The following GPD1L variants were observed in gnomAD, a reference collection of about 807,000 sequenced individuals.
GPD1L encodes glycerol-3-phosphate dehydrogenase 1 like.
A neutral mutation model predicts 32.9 loss-of-function variants in GPD1L; 17 were observed. That is an observed-to-expected ratio of 0.52 (90% CI 0.35 to 0.78). GPD1L has a LOEUF of 0.78. Ranked by LOEUF, GPD1L falls within the 30% of genes least tolerant of loss-of-function variation. GPD1L has a pLI of 0.01. For missense variants in GPD1L, 361 were observed against 447.8 expected, an observed-to-expected ratio of 0.81 and a Z score of 1.75; for synonymous variants, 187 against 165.9, an observed-to-expected ratio of 1.13 and a Z score of -0.98.
chr3:32,113,658 A>T (rs550695900), intron 1 of GPD1L, among the ~76,000 whole-genome samples: 22 of 152,328 alleles, frequency 1.4e-4, no homozygotes, highest in Non-Finnish European at 2.4e-4. Flanking sequence ...GAAGAGGAGA[A>T]CTGAATCAGT....
intron 2 of GPD1L, among the ~76,000 whole-genome samples, chr3:32,130,486 G>A (rs1262352598): frequency 6.6e-6 from 1 of 152,090 alleles, no homozygotes; most frequent in Admixed American, 6.6e-5. Context: ...ACTTCAGACT[G>A]AGCCTTTTCT....
Position 32,148,997 on chromosome 3 carries a change from T to C in GPD1L, c.618+2263T>C, listed in dbSNP as rs574108258. 7.2e-5 allele frequency among the ~76,000 whole-genome samples: 11 copies of C among 152,354 alleles called. No homozygotes were observed. In the South Asian group the frequency reaches 2.1e-3, roughly 29 times the overall value. ...CCAATGTTTTTAGTGTGTACCTATG[T>C]GTATGGGTCCTTTTTAAAACAAAAA... is the stretch of plus-strand genomic sequence containing the variant. On this transcript the variant is annotated intron_variant, in intron 5 of 7. Transcript: ENST00000282541.
chr3:32,106,745 G>A lies in GPD1L; in HGVS notation c.34G>A (p.Gly12Ser), dbSNP rs749374804. ...AAAPLKVCIV[G>S]SGNWGSAVAK... Reference sequence around the variant, plus strand: ...GGCGCCCCTGAAAGTGTGCATCGTGGGCTCGGGGAACTGGTGAGCGGCGGC... The same window carrying A: ...GGCGCCCCTGAAAGTGTGCATCGTGAGCTCGGGGAACTGGTGAGCGGCGGC... The change falls in exon 1 of 8, where the codon GGC (glycine) becomes AGC (serine). Residue 12 changes from glycine (G) to serine (S), a missense_variant. By Grantham distance (56) the Gly-to-Ser change is moderately conservative. Transcript: ENST00000282541. This position sits in a 1 kb window ranked among gnomAD's most constrained non-coding sequence, Gnocchi z 4.0. 6.4e-7 allele frequency: 1 copy of A among 1,558,650 alleles called. No individual in the cohort carries two copies. The highest frequency in any genetic ancestry group is 8.7e-7 in the Non-Finnish European group (1 of 1,153,174).
chr3:32,132,784 G>A (rs545212364), intron 2 of GPD1L, among the ~76,000 whole-genome samples: 3 of 152,246 alleles, frequency 2.0e-5, no homozygotes, highest in Non-Finnish European at 2.9e-5. Context: ...GGAACCATGG[G>A]GGTACATAAT....
intron 1 of GPD1L, among the ~76,000 whole-genome samples, chr3:32,113,108 G>A (rs1313016149): frequency 6.6e-6 from 1 of 152,070 alleles, no homozygotes; most frequent in African/African-American, 2.4e-5. Flanking sequence ...TAAAATGGAA[G>A]CAAGGCCTTA....
At chr3:32,148,655 C>T (rs1015730454) in intron 5 of GPD1L, among the ~76,000 whole-genome samples, 1 of 152,174 alleles carries the variant, frequency 6.6e-6, no homozygotes, top group Non-Finnish European at 1.5e-5. Context: ...CTGGCACACT[C>T]GGAGCGTGAA....
intron 1 of GPD1L, among the ~76,000 whole-genome samples, chr3:32,117,204 G>T (rs906682008): frequency 2.0e-5 from 3 of 152,056 alleles, no homozygotes; most frequent in Non-Finnish European, 4.4e-5. Flanking sequence ...GTATGCTTTT[G>T]TTTAATCAGT....
At chr3:32,157,861 G>A (rs1173916925) in intron 5 of GPD1L, among the ~76,000 whole-genome samples, 1 of 152,170 alleles carries the variant, frequency 6.6e-6, no homozygotes, top group African/African-American at 2.4e-5. Flanking sequence ...CAGATTTTCA[G>A]CTTCTGAAAA....
At chr3:32,140,443 T>C (rs1408774153) in intron 4 of GPD1L, 77 bp downstream of exon 4, 4 of 1,496,764 alleles carry the variant, frequency 2.7e-6, no homozygotes, top group Non-Finnish European at 3.7e-6. Context: ...TTTCTGATAT[T>C]TTCTGTAATA....
intron 5 of GPD1L, chr3:32,151,290 C>A (rs1308138396): frequency 3.3e-6 from 2 of 614,064 alleles, no homozygotes; most frequent in East Asian, 3.1e-5. Flanking sequence ...TCCATACACC[C>A]ATTAATTCTT....
Position 32,150,239 on chromosome 3 carries a change from G to A in GPD1L, c.618+3505G>A, listed in dbSNP as rs1700895468. The stretch of plus-strand genomic sequence containing the variant: ...CTTTTGTGTCTGGCTTCTTTGATTG[G>A]AGGTGTATTTTTTGTTTGTTTTAAT... On this transcript the variant is annotated intron_variant, in intron 5 of 7. Transcript: ENST00000282541. Among the ~76,000 whole-genome samples the A allele has an allele frequency of 2.0e-5, 3 of 152,226 alleles. No homozygotes were observed. In the South Asian group the frequency reaches 6.2e-4, roughly 32 times the overall value.
Position 32,121,591 on chromosome 3 carries a change from A to ATATATATATTTC in GPD1L, c.48-6462_48-6451dup, listed in dbSNP as rs1211634507. Reference sequence around the variant, plus strand: ...TATATATTTCTATATATATATTTCTATATATATATTTCTATATATATTTCT... The same window carrying ATATATATATTTC: ...TATATATTTCTATATATATATTTCTATATATATATTTCTATATATATTTCTATATATATTTCT... On this transcript the variant is annotated intron_variant, in intron 1 of 7. Transcript: ENST00000282541. Among the ~76,000 whole-genome samples the ATATATATATTTC allele has an allele frequency of 0.051, 4,982 of 98,298 alleles. 1,138 individuals carry two copies. In the East Asian group the frequency reaches 0.52, roughly 10 times the overall value. 64.5% of individuals were successfully genotyped at this position (98,298 alleles called of 152,430 possible).
intron 7 of GPD1L, among the ~76,000 whole-genome samples, chr3:32,161,885 C>G (rs1470448405): frequency 6.6e-6 from 1 of 152,168 alleles, no homozygotes; most frequent in Non-Finnish European, 1.5e-5. Flanking sequence ...CCTGGGACTC[C>G]TCCCCATTCC....
chr3:32,119,209 C>G (rs575863042), intron 1 of GPD1L, among the ~76,000 whole-genome samples: 2 of 152,330 alleles, frequency 1.3e-5, no homozygotes, highest in African/African-American at 4.8e-5. Flanking sequence ...TCCACAGTGG[C>G]TGCAGTATTT....
chr3:32,134,856 G>A (rs774553308), intron 2 of GPD1L, among the ~76,000 whole-genome samples: 3 of 152,178 alleles, frequency 2.0e-5, no homozygotes, highest in Admixed American at 6.5e-5. Flanking sequence ...TGCAAGACAC[G>A]GGTAGATTTT....
chr3:32,119,148 G>A (rs1700372229), intron 1 of GPD1L, among the ~76,000 whole-genome samples: 1 of 152,148 alleles, frequency 6.6e-6, no homozygotes, highest in Non-Finnish European at 1.5e-5. Context: ...AGAATTGCTT[G>A]ATCATATGTT....
intron 1 of GPD1L, among the ~76,000 whole-genome samples, chr3:32,124,658 G>A (rs1036516592): frequency 6.6e-6 from 1 of 152,198 alleles, no homozygotes; most frequent in Non-Finnish European, 1.5e-5. Context: ...GGGCGCAGTG[G>A]CTCATGCCTG....
At chr3:32,135,466 T>TG (rs997065081) in intron 2 of GPD1L, among the ~76,000 whole-genome samples, 92 of 152,194 alleles carry the variant, frequency 6.0e-4, no homozygotes, top group African/African-American at 2.0e-3. Flanking sequence ...TGTTTTGTTT[T>TG]TTTTGAGACA....
In GPD1L at chr3:32,128,146, A is replaced by G. The variant is rs1407919168; in HGVS notation, c.118A>G (p.Met40Val). ...TCAGAAATTTGCCTCCACAGTCAAG[A>G]TGTGGGTCTTTGAAGAAACAGTGAA... ...KLQKFASTVK[M>V]WVFEETVNGR... Residue 40 changes from methionine to valine, a missense_variant, in exon 2 of 8, where the codon ATG becomes GTG. Physicochemically the swap from Met to Val is conservative, Grantham distance 21 (BLOSUM62 1). Transcript: ENST00000282541. The G allele has an allele frequency of 6.2e-7, 1 of 1,610,244 alleles. No individual in the cohort carries two copies. Among genetic ancestry groups the G allele is most frequent in the South Asian group, 1.1e-5 (1 of 90,986 alleles).
Sources: gnomAD v4.1 joint callset for allele counts (sites outside exome capture counted in the v4.1 genomes callset) on GRCh38, gnomAD v4.1.1 for gene constraint, Gnocchi (gnomAD v3.1) non-coding constraint, MANE v1.5 for transcripts, NCBI Gene and HGNC (gene_info 2026-07-23, HGNC 2026-07-21) for gene names.